The following NCK2 variants were observed in gnomAD, a reference collection of about 807,000 sequenced individuals.
The protein encoded by NCK2 is cytoplasmic protein NCK2.
In NCK2, 16 loss-of-function variants were observed where a neutral mutation model predicts 33.9. The observed-to-expected ratio is 0.47, with a 90% confidence interval of 0.32 to 0.72. The LOEUF (loss-of-function observed/expected upper bound fraction) is 0.72. Ranked by LOEUF, NCK2 falls within the 30% of genes least tolerant of loss-of-function variation. The pLI is 0.03. For synonymous variants in NCK2, 273 were observed against 239.9 expected, an observed-to-expected ratio of 1.14 and a Z score of -1.27; for missense variants, 418 against 537.3, an observed-to-expected ratio of 0.78 and a Z score of 2.19.
intron 1 of NCK2, among the ~76,000 whole-genome samples, chr2:105,808,415 CCCTGATACATTAGCACCTCTAACTTGTTT>C (rs1267322673): frequency 6.6e-6 from 1 of 152,212 alleles, no homozygotes; most frequent in Non-Finnish European, 1.5e-5. Context: ...GGGCTGGACT[CCCTGATACATTAGCACCTCTAACTTGTTT>C]CATTTACTAA....
At chr2:105,830,020 T>A (rs566046516) in intron 2 of NCK2, among the ~76,000 whole-genome samples, 2 of 152,348 alleles carry the variant, frequency 1.3e-5, no homozygotes, top group African/African-American at 4.8e-5. Context: ...GGTATTTTGA[T>A]ACCTGTATAT....
chr2:105,776,604 C>T (rs984729872), intron 1 of NCK2, among the ~76,000 whole-genome samples: 1 of 152,116 alleles, frequency 6.6e-6, no homozygotes, highest in Non-Finnish European at 1.5e-5. Context: ...GAAAAAGGAA[C>T]TTGTGGATTT....
intron 2 of NCK2, among the ~76,000 whole-genome samples, chr2:105,824,106 A>G (rs1285635297): frequency 6.6e-6 from 1 of 152,048 alleles, no homozygotes; most frequent in East Asian, 1.9e-4. Flanking sequence ...TAGTTTTTCT[A>G]AATTGTTTAT....
intron 1 of NCK2, among the ~76,000 whole-genome samples, chr2:105,775,549 G>A (rs1048031976): frequency 6.6e-6 from 1 of 151,774 alleles, no homozygotes; most frequent in Non-Finnish European, 1.5e-5. Flanking sequence ...CTCCTTTTGG[G>A]TTTTAAACAT....
intron 2 of NCK2, among the ~76,000 whole-genome samples, chr2:105,846,939 C>A (rs1676876781): frequency 6.6e-6 from 1 of 152,156 alleles, no homozygotes; most frequent in South Asian, 2.1e-4. Context: ...GATGGATGAA[C>A]GGACCAACAA....
intron 1 of NCK2, among the ~76,000 whole-genome samples, chr2:105,752,918 A>G (rs1332508342): frequency 6.6e-6 from 1 of 152,212 alleles, no homozygotes; most frequent in Non-Finnish European, 1.5e-5. Flanking sequence ...ACAGACACAC[A>G]CACACACATT....
chr2:105,873,415 C>T (rs1678097325), intron 3 of NCK2, among the ~76,000 whole-genome samples: 1 of 152,176 alleles, frequency 6.6e-6, no homozygotes, highest in Non-Finnish European at 1.5e-5. Context: ...CTCATTATTA[C>T]TCCTGCAGTA....
chr2:105,866,933 T>C (rs756937437), intron 3 of NCK2, among the ~76,000 whole-genome samples: 1 of 152,236 alleles, frequency 6.6e-6, no homozygotes, highest in Non-Finnish European at 1.5e-5. Context: ...GCTGATTCTT[T>C]ATGGTGCATT....
chr2:105,798,364 A>AT (rs931701392), intron 1 of NCK2, among the ~76,000 whole-genome samples: 47 of 151,208 alleles, frequency 3.1e-4, no homozygotes, highest in African/African-American at 8.0e-4. Context: ...TAGCTGAGTC[A>AT]TTTTTTTTTC....
At chr2:105,850,673 G>A (rs746284953) in intron 2 of NCK2, among the ~76,000 whole-genome samples, 1 of 152,184 alleles carries the variant, frequency 6.6e-6, no homozygotes, top group Non-Finnish European at 1.5e-5. Flanking sequence ...AAAAACATGC[G>A]TTGTTCTTTG....
At chr2:105,770,137 A>G (rs1215847148) in intron 1 of NCK2, among the ~76,000 whole-genome samples, 15 of 151,098 alleles carry the variant, frequency 9.9e-5, no homozygotes, top group African/African-American at 1.7e-4. Context: ...AAAAAAAAAA[A>G]AAAAAGAAAA....
chr2:105,818,681 G>T (rs190115686), intron 2 of NCK2, among the ~76,000 whole-genome samples: 1 of 152,210 alleles, frequency 6.6e-6, no homozygotes. Context: ...TATTACAGTG[G>T]ACATTTGTAT....
chr2:105,872,707 A>C (rs764913999), intron 3 of NCK2, among the ~76,000 whole-genome samples: 2 of 152,226 alleles, frequency 1.3e-5, no homozygotes, highest in South Asian at 2.1e-4. Flanking sequence ...TAGGTATTCT[A>C]GTGTAAATTC....
At chr2:105,839,196 G>A (rs901572708) in intron 2 of NCK2, among the ~76,000 whole-genome samples, 6 of 152,226 alleles carry the variant, frequency 3.9e-5, no homozygotes, top group African/African-American at 1.4e-4. Flanking sequence ...TGGAAAAACT[G>A]CCCAGGGTCA....
intron 2 of NCK2, among the ~76,000 whole-genome samples, chr2:105,829,363 C>T (rs897821266): frequency 2.0e-5 from 3 of 152,108 alleles, no homozygotes; most frequent in African/African-American, 7.2e-5. Flanking sequence ...AAAAAGTTCT[C>T]ATATATTTAG....
chr2:105,875,032 A>G (rs1034405602), intron 3 of NCK2, among the ~76,000 whole-genome samples: 3 of 152,308 alleles, frequency 2.0e-5, no homozygotes, highest in South Asian at 2.1e-4. Context: ...TACCTGCAGT[A>G]CACATGTTAT....
intron 2 of NCK2, among the ~76,000 whole-genome samples, chr2:105,842,918 A>C (rs1244163124): frequency 6.6e-6 from 1 of 152,068 alleles, no homozygotes; most frequent in East Asian, 1.9e-4. Context: ...ACTGCTTGCC[A>C]TTGCTTAGCA....
Position 105,745,098 on chromosome 2 carries a change from C to A in NCK2, c.-241C>A, listed in dbSNP as rs963052683. 1.4e-5 allele frequency: 2 copies of A among 147,654 alleles called. No homozygotes were observed. Among genetic ancestry groups the A allele is most frequent in the African/African-American group, 4.9e-5 (2 of 40,904 alleles). 9.1% of individuals were successfully genotyped at this position (147,654 alleles called of 1,614,324 possible). The stretch of plus-strand genomic sequence containing the variant: ...GCAGCGCGGCCACCGCCCCGGGACC[C>A]GCGCCGCTGCCCTCCGGCTCCGCGG... On this transcript the variant is annotated 5_prime_UTR_variant, in exon 1 of 5. Transcript: ENST00000233154.
At chr2:105,812,953 C>G (rs917258323) in intron 1 of NCK2, among the ~76,000 whole-genome samples, 1 of 152,098 alleles carries the variant, frequency 6.6e-6, no homozygotes, top group Non-Finnish European at 1.5e-5. Flanking sequence ...AGGTTGGAGC[C>G]GGCCACCCAG....
Sources: allele counts gnomAD v4.1 joint callset (sites outside exome capture counted in the v4.1 genomes callset), GRCh38; gene constraint gnomAD v4.1.1; transcripts MANE v1.5; gene names NCBI Gene and HGNC (gene_info 2026-07-23, HGNC 2026-07-21).